The following GLI2 variants were observed in gnomAD, a reference collection of about 807,000 sequenced individuals.
GLI2 encodes the protein transcription activator GLI2.
In GLI2, 22 loss-of-function variants were observed where a neutral mutation model predicts 78.9. That is an observed-to-expected ratio of 0.28 (90% CI 0.20 to 0.40). The LOEUF is 0.40. Ranked by LOEUF, GLI2 falls within the 10% of genes least tolerant of loss-of-function variation. GLI2 has a pLI of 1.00. For synonymous variants in GLI2, 974 were observed against 963.7 expected (o/e 1.01, Z -0.20); for missense variants, 2,097 against 2,213.2 (o/e 0.95, Z 1.05).
chr2:120,777,901 A>C (rs1368806148), intron 1 of GLI2, among the ~76,000 whole-genome samples: 1 of 152,056 alleles, frequency 6.6e-6, no homozygotes, highest in Non-Finnish European at 1.5e-5. Context: ...TGGGGTGCAG[A>C]GCCCAGTGTG....
chr2:120,829,452 CAGCCACTTA>C (rs1686251245), intron 2 of GLI2, among the ~76,000 whole-genome samples: 1 of 152,126 alleles, frequency 6.6e-6, no homozygotes, highest in South Asian at 2.1e-4. Context: ...AGCCCCAGCC[CAGCCACTTA>C]ACAGCTGTGT....
intron 1 of GLI2, among the ~76,000 whole-genome samples, chr2:120,781,409 T>C (rs562951979): frequency 5.9e-5 from 9 of 152,218 alleles, no homozygotes; most frequent in Non-Finnish European, 1.2e-4. Context: ...CTTCCCATTC[T>C]GAGGCCCGGG....
chr2:120,956,659 C>T (rs1246317653), intron 5 of GLI2, among the ~76,000 whole-genome samples: 1 of 152,134 alleles, frequency 6.6e-6, no homozygotes, highest in Admixed American at 6.5e-5. Flanking sequence ...GAGCCAGCCT[C>T]CCGGAGCCCT....
intron 2 of GLI2, among the ~76,000 whole-genome samples, chr2:120,848,951 G>T (rs1375452413): frequency 6.6e-6 from 1 of 152,142 alleles, no homozygotes; most frequent in Non-Finnish European, 1.5e-5. Flanking sequence ...GATGATGAAG[G>T]CAAGGATAAA....
Position 120,986,385 on chromosome 2 carries a change from C to G in GLI2, c.2013C>G (p.Pro671=), listed in dbSNP as rs147314921. The G allele has an allele frequency of 1.2e-6, 2 of 1,613,586 alleles. No individual in the cohort carries two copies. Among genetic ancestry groups the G allele is most frequent in the Admixed American group, 3.3e-5 (2 of 60,008 alleles). Residue 671 remains proline (P), a synonymous_variant, in exon 13 of 14, where the codon CCC becomes CCG. Coordinates refer to ENST00000361492, the MANE Select transcript of GLI2 (RefSeq NM_001374353.1). ...GCGTGGAGATGCCGGGGACGGGGCC[C>G]GGGAGCCTGGGAGACCTGACGGCAC... The part of the protein sequence containing the change: ...DSGVEMPGTG[P]GSLGDLTALD...
rs149800897 is a variant in GLI2 at position 120,984,610 on chromosome 2, C to A, written c.1772C>A (p.Pro591Gln). 3 of 1,614,110 alleles carry A rather than the reference C, an allele frequency of 1.9e-6. No individual in the cohort carries two copies. The East Asian group carries it at 6.7e-5, about 36-fold the overall frequency. The change falls in exon 12 of 14, where the codon CCG becomes CAG. Residue 591 changes from proline (P) to glutamine (Q), a missense_variant. This residue lies in a region of GLI2 where 57 missense variants were observed against 44.5 expected (regional missense o/e 1.28). Transcript: ENST00000361492. Reference protein sequence around the residue: ...KQRNDVHLRTPLLKENGDSEA... With the variant: ...KQRNDVHLRTQLLKENGDSEA... ...CGCAATGACGTGCACCTCCGCACAC[C>A]GCTGCTCAAAGAGAATGGGGACAGT...
chr2:120,920,292 T>C (rs962145102), intron 2 of GLI2, among the ~76,000 whole-genome samples: 3 of 152,256 alleles, frequency 2.0e-5, no homozygotes, highest in African/African-American at 4.8e-5. Context: ...TGCCTCTGCG[T>C]TGTGGCAACA....
intron 1 of GLI2, among the ~76,000 whole-genome samples, chr2:120,794,426 G>A (rs1454845553): frequency 6.6e-6 from 1 of 152,190 alleles, no homozygotes; most frequent in East Asian, 1.9e-4. Flanking sequence ...CTCAGCAGGG[G>A]AGGGATGGAG....
intron 1 of GLI2, among the ~76,000 whole-genome samples, chr2:120,769,010 G>C (rs954757880): frequency 6.6e-6 from 1 of 152,148 alleles, no homozygotes; most frequent in African/African-American, 2.4e-5. Context: ...CCCCAGGCTG[G>C]CCAGGCCCTA....
chr2:120,990,708 A>AG lies in GLI2; in HGVS notation c.*37dup. 3.8e-6 allele frequency: 6 copies of AG among 1,574,326 alleles called. No homozygotes were observed. The highest frequency in any genetic ancestry group is 2.2e-5 in the East Asian group (1 of 44,574). On this transcript the variant is annotated 3_prime_UTR_variant, in exon 14 of 14. Transcript: ENST00000361492. Reference sequence around the variant, plus strand: ...AGCGCCTGGTGCTGAGTGCACCCGGAGGGGTCATCGCTGCCCAGAGCCTGG... The same window carrying AG: ...AGCGCCTGGTGCTGAGTGCACCCGGAGGGGGTCATCGCTGCCCAGAGCCTGG...
intron 3 of GLI2, among the ~76,000 whole-genome samples, chr2:120,934,414 G>A (rs187310685): frequency 6.6e-6 from 1 of 152,258 alleles, no homozygotes; most frequent in East Asian, 1.9e-4. Context: ...TGACATCCAC[G>A]ACTCCACCCC....
intron 1 of GLI2, among the ~76,000 whole-genome samples, chr2:120,781,393 C>A (rs1209289174): frequency 6.6e-6 from 1 of 152,228 alleles, no homozygotes; most frequent in Non-Finnish European, 1.5e-5. Context: ...AGAGCAGCAG[C>A]CCCCTCTTCC....
intron 2 of GLI2, among the ~76,000 whole-genome samples, chr2:120,855,536 A>G (rs1162904132): frequency 6.6e-6 from 1 of 152,210 alleles, no homozygotes. Context: ...TCCCATCACT[A>G]AGGATATTCA....
At chr2:120,923,896 G>A (rs1679532092) in intron 2 of GLI2, among the ~76,000 whole-genome samples, 1 of 151,968 alleles carries the variant, frequency 6.6e-6, no homozygotes. Flanking sequence ...AGTCTTGTGG[G>A]GCAGAGAGGC....
chr2:120,778,499 G>A (rs1263365479), intron 1 of GLI2, among the ~76,000 whole-genome samples: 1 of 152,234 alleles, frequency 6.6e-6, no homozygotes, highest in Non-Finnish European at 1.5e-5. Flanking sequence ...GCAGGACTGT[G>A]TGGCGGGGCG....
chr2:120,771,500 T>G (rs1336008653), intron 1 of GLI2, among the ~76,000 whole-genome samples: 1 of 151,646 alleles, frequency 6.6e-6, no homozygotes, highest in Non-Finnish European at 1.5e-5. Flanking sequence ...TCAAAGGCCT[T>G]CCTTCTCAAA....
Position 120,873,750 on chromosome 2 carries a change from G to A in GLI2, c.149-53611G>A, listed in dbSNP as rs969634666. 5.3e-5 allele frequency among the ~76,000 whole-genome samples: 8 copies of A among 152,122 alleles called. 1 individual carries two copies. The highest frequency in any genetic ancestry group is 4.1e-4 in the South Asian group (2 of 4,820). ...TCCCTCCAGCAACCACAGGCTCCCC[G>A]AGCCTCCTCATCTGACCGAACCTGT... On this transcript the variant is annotated intron_variant, in intron 2 of 13. Transcript: ENST00000361492.
intron 2 of GLI2, among the ~76,000 whole-genome samples, chr2:120,813,887 C>A (rs560467425): frequency 2.7e-4 from 41 of 152,294 alleles, no homozygotes; most frequent in African/African-American, 9.9e-4. Flanking sequence ...AGTTATCATT[C>A]TTAGAAGCAG....
intron 2 of GLI2, among the ~76,000 whole-genome samples, chr2:120,814,450 T>C (rs1685399660): frequency 6.6e-6 from 1 of 152,242 alleles, no homozygotes. Flanking sequence ...TGTTGTCAGA[T>C]ATCAGTGCCT....
Sources: allele counts gnomAD v4.1 joint callset (sites outside exome capture counted in the v4.1 genomes callset), GRCh38; gene constraint gnomAD v4.1.1; regional missense constraint gnomAD v4.1.1; transcripts MANE v1.5; gene names NCBI Gene and HGNC (gene_info 2026-07-23, HGNC 2026-07-21).